GRID1: variants seen among roughly 807,000 people sequenced by gnomAD.
GRID1 encodes the protein glutamate receptor ionotropic, delta-1.
Under a neutral mutation model 98.0 loss-of-function variants are expected in GRID1, and 28 were observed. The observed-to-expected ratio is 0.29, with a 90% CI of 0.21 to 0.39. The LOEUF is 0.39. Among genes scored for constraint, GRID1 ranks in the 10% least tolerant of loss-of-function variants. The pLI is 1.00. For synonymous variants in GRID1, 553 were observed against 538.5 expected (o/e 1.03, Z -0.37); for missense variants, 1,111 against 1,340.5 (o/e 0.83, Z 2.67).
At chr10:85,857,964 G>A (rs11594781) in intron 6 of GRID1, among the ~76,000 whole-genome samples, 1 of 152,188 alleles carries the variant, frequency 6.6e-6, no homozygotes, top group Non-Finnish European at 1.5e-5. Flanking sequence ...GAACTCTCCA[G>A]CAACTGAAGC....
At chr10:85,998,000 G>A (rs1482110028) in intron 4 of GRID1, among the ~76,000 whole-genome samples, 1 of 152,188 alleles carries the variant, frequency 6.6e-6, no homozygotes, top group Admixed American at 6.5e-5. Flanking sequence ...TAAAGGTTAT[G>A]TGAAGCAAAC....
chr10:85,838,965 G>A (rs946289903), intron 8 of GRID1, among the ~76,000 whole-genome samples: 6 of 151,900 alleles, frequency 3.9e-5, no homozygotes, highest in African/African-American at 1.5e-4. Flanking sequence ...CCAAGCAAAT[G>A]GGAAACAGAA....
rs2132009394 is a variant in GRID1, at chr10:86,192,473, C to G, written c.520+13891G>C. On this transcript the variant is annotated intron_variant, in intron 3 of 15. Coordinates refer to ENST00000327946, the MANE Select transcript of GRID1 (RefSeq NM_017551.3). The surrounding 1 kb of genome is among the most constrained non-coding windows in gnomAD (Gnocchi z 4.8). The stretch of plus-strand genomic sequence containing the variant: ...CGGTACGAGTCCACTTATATGAGGC[C>G]CCTAGAATAGTCAAAGTCAAGAGAC... 2.6e-5 allele frequency among the ~76,000 whole-genome samples: 4 copies of G among 151,896 alleles called. No individual in the cohort carries two copies. The South Asian group carries it at 8.3e-4, about 32-fold the overall frequency.
intron 12 of GRID1, among the ~76,000 whole-genome samples, chr10:85,691,616 A>T (rs1564561006): frequency 6.6e-6 from 1 of 152,214 alleles, no homozygotes; most frequent in Non-Finnish European, 1.5e-5. Flanking sequence ...TACCTGAAGA[A>T]TTAACTAACT....
intron 3 of GRID1, among the ~76,000 whole-genome samples, chr10:86,152,475 G>GC (rs1246680197): frequency 5.3e-5 from 8 of 152,380 alleles, no homozygotes; most frequent in Non-Finnish European, 8.8e-5. Flanking sequence ...GAGCCCTGAA[G>GC]CCCCGCTCTG....
At chr10:85,714,354 A>G (rs1841615043) in intron 12 of GRID1, among the ~76,000 whole-genome samples, 1 of 151,988 alleles carries the variant, frequency 6.6e-6, no homozygotes, top group African/African-American at 2.4e-5. Context: ...AACCCCCATG[A>G]CATACAGTTT....
intron 4 of GRID1, among the ~76,000 whole-genome samples, chr10:85,997,850 G>T (rs904393402): frequency 6.6e-6 from 1 of 152,016 alleles, no homozygotes; most frequent in African/African-American, 2.4e-5. Flanking sequence ...ACTGATATAG[G>T]TAGATTAATC....
At chr10:86,059,097 G>T (rs982817003) in intron 4 of GRID1, among the ~76,000 whole-genome samples, 5 of 152,200 alleles carry the variant, frequency 3.3e-5, no homozygotes, top group African/African-American at 1.2e-4. Flanking sequence ...AGCAGCACGT[G>T]CAAAGCCCTT....
intron 3 of GRID1, among the ~76,000 whole-genome samples, chr10:86,166,341 A>G (rs1369106712): frequency 6.6e-6 from 1 of 152,212 alleles, no homozygotes; most frequent in African/African-American, 2.4e-5. Flanking sequence ...AAGAACTTGA[A>G]CAAATTTACA....
chr10:86,103,803 C>G (rs1274152136), intron 4 of GRID1, among the ~76,000 whole-genome samples: 2 of 150,362 alleles, frequency 1.3e-5, no homozygotes, highest in African/African-American at 2.5e-5. Flanking sequence ...CCTGGCCCAA[C>G]CATGTCACGA....
At chr10:86,030,999 C>A (rs1046651227) in intron 4 of GRID1, among the ~76,000 whole-genome samples, 1 of 152,050 alleles carries the variant, frequency 6.6e-6, no homozygotes, top group Non-Finnish European at 1.5e-5. Flanking sequence ...CTGATCAAAC[C>A]AATCTGTGAG....
At chr10:86,237,963 T>C (rs1446023311) in intron 2 of GRID1, among the ~76,000 whole-genome samples, 3 of 152,182 alleles carry the variant, frequency 2.0e-5, no homozygotes, top group Non-Finnish European at 4.4e-5. Flanking sequence ...AGTATAAAGA[T>C]ACCTGAAAAT....
chr10:86,163,742 ATGTT>A (rs1256839042), intron 3 of GRID1, among the ~76,000 whole-genome samples: 1 of 152,146 alleles, frequency 6.6e-6, no homozygotes, highest in Non-Finnish European at 1.5e-5. Context: ...GGGTCAGACA[ATGTT>A]TGTTGAGTCC....
At chr10:85,982,452 G>T (rs775052189) in intron 4 of GRID1, among the ~76,000 whole-genome samples, 6 of 152,186 alleles carry the variant, frequency 3.9e-5, no homozygotes, top group Non-Finnish European at 7.3e-5. Context: ...GACTCAAGGG[G>T]TCAAGGGTGA....
rs539545433 is a variant in GRID1, at chr10:86,087,081, T to C, written c.726+51738A>G. ...ATAGTTTAGGGTTAAAAAATGAATG[T>C]ATTTACATGGAAGGCATGGGGCATG... On this transcript the variant is annotated intron_variant, in intron 4 of 15. Transcript: ENST00000327946. Among the ~76,000 whole-genome samples, 41 of 152,322 alleles carry C rather than the reference T, an allele frequency of 2.7e-4. No homozygotes were observed. The South Asian group carries it at 8.3e-3, about 31-fold the overall frequency.
In GRID1 at chr10:86,192,340, A is replaced by G. The variant is rs946836280; in HGVS notation, c.520+14024T>C. 6.6e-5 allele frequency among the ~76,000 whole-genome samples: 10 copies of G among 152,220 alleles called. No individual in the cohort carries two copies. The highest frequency in any genetic ancestry group is 1.5e-4 in the Non-Finnish European group (10 of 68,036). ...AAAATTCTGTCTATCCACACAATGG[A>G]ATATTACTCAGCCTGAAAAAGGAAG... On this transcript the variant is annotated intron_variant, in intron 3 of 15. Coordinates refer to ENST00000327946, the MANE Select transcript of GRID1 (RefSeq NM_017551.3). This position sits in a 1 kb window ranked among gnomAD's most constrained non-coding sequence, Gnocchi z 4.8.
At chr10:86,133,400 C>T (rs185040945) in intron 4 of GRID1, among the ~76,000 whole-genome samples, 6 of 152,342 alleles carry the variant, frequency 3.9e-5, no homozygotes, top group Non-Finnish European at 7.3e-5. Context: ...CCACCACACA[C>T]GCTGATCTCT....
intron 12 of GRID1, among the ~76,000 whole-genome samples, chr10:85,664,510 T>C (rs76788384): frequency 0.02 from 3,040 of 152,328 alleles, 93 homozygotes; most frequent in African/African-American, 0.067. Context: ...AATGTATTTA[T>C]GTCTTATTAT....
intron 6 of GRID1, among the ~76,000 whole-genome samples, chr10:85,865,375 A>C (rs1176254369): frequency 6.6e-6 from 1 of 152,218 alleles, no homozygotes; most frequent in Non-Finnish European, 1.5e-5. Context: ...CCCTGACCAC[A>C]AGCCTCATAG....
Sources: allele counts gnomAD v4.1 joint callset (sites outside exome capture counted in the v4.1 genomes callset), GRCh38; gene constraint gnomAD v4.1.1; non-coding constraint Gnocchi (gnomAD v3.1); transcripts MANE v1.5; gene names NCBI Gene and HGNC (gene_info 2026-07-23, HGNC 2026-07-21).